The following STK32C variants were observed in gnomAD, a reference collection of about 807,000 sequenced individuals.
The protein encoded by STK32C is serine/threonine kinase 32C.
STK32C carries 31 observed loss-of-function variants against 56.5 expected under a neutral mutation model. The observed-to-expected ratio is 0.55, with a 90% CI of 0.41 to 0.74. The LOEUF is 0.74. STK32C is among the 30% of genes least tolerant of loss of function. The pLI, the probability that STK32C is intolerant of heterozygous loss-of-function variation, is 0.00. For synonymous variants in STK32C, 309 were observed against 289.4 expected, an observed-to-expected ratio of 1.07 and a Z score of -0.69; for missense variants, 544 against 676.9, an observed-to-expected ratio of 0.80 and a Z score of 2.18.
intron 1 of STK32C, among the ~76,000 whole-genome samples, chr10:132,273,589 GGTTACTGAATGAGTGAAGGA>G (rs56831391): frequency 3.3e-5 from 5 of 152,008 alleles, no homozygotes; most frequent in African/African-American, 7.3e-5. Context: ...ATGAATACAT[GGTTACTGAATGAGTGAAGGA>G]GTTACTGAAT....
chr10:132,302,950 G>T (rs1427969009), intron 1 of STK32C, among the ~76,000 whole-genome samples: 1 of 152,182 alleles, frequency 6.6e-6, no homozygotes, highest in Non-Finnish European at 1.5e-5. Flanking sequence ...CCAACAAAAT[G>T]AACTTCAAAG....
chr10:132,231,789 G>A (rs945750861), intron 2 of STK32C, among the ~76,000 whole-genome samples: 1 of 152,224 alleles, frequency 6.6e-6, no homozygotes, highest in Non-Finnish European at 1.5e-5. Flanking sequence ...GCAGTGATGT[G>A]AAGATGCCAG....
At chr10:132,269,570 T>C (rs551421598) in intron 1 of STK32C, among the ~76,000 whole-genome samples, 11 of 152,330 alleles carry the variant, frequency 7.2e-5, no homozygotes, top group African/African-American at 2.2e-4. Context: ...TGCTGATGGA[T>C]TGATTTTCCC....
Position 132,304,982 on chromosome 10 carries a change from G to A in STK32C, c.262+2590C>T, listed in dbSNP as rs189926939. ...CCCCCAGGTTGCAGAGCTGCTTAGC[G>A]GGAAGGTACCGGAGCCTCCTCTCAG... On this transcript the variant is annotated intron_variant, in intron 1 of 11. Transcript: ENST00000298630. Among the ~76,000 whole-genome samples the A allele has an allele frequency of 1.7e-3, 261 of 152,334 alleles. 1 individual carries two copies. Among genetic ancestry groups the A allele is most frequent in the Non-Finnish European group, 1.1e-3 (77 of 68,038 alleles).
At chr10:132,324,272 C>T (rs773249111) in exon 2 of STK32C, 1 of 779,820 alleles carries the variant, frequency 1.3e-6, no homozygotes, top group South Asian at 1.3e-5. Context: ...AACACACCCC[C>T]AGCTTTTTCA....
At chr10:132,266,812 G>A (rs1017772622) in intron 1 of STK32C, among the ~76,000 whole-genome samples, 2 of 151,958 alleles carry the variant, frequency 1.3e-5, no homozygotes, top group African/African-American at 4.8e-5. Context: ...CCGGTGGGGC[G>A]GGGGGACTCC....
intron 1 of STK32C, among the ~76,000 whole-genome samples, chr10:132,301,235 A>G (rs970299692): frequency 1.3e-5 from 2 of 150,862 alleles, no homozygotes; most frequent in Non-Finnish European, 2.9e-5. Context: ...GTGAACCCAG[A>G]TTCAGCTCCG....
At chr10:132,303,320 G>A (rs186386332) in intron 1 of STK32C, among the ~76,000 whole-genome samples, 94 of 152,354 alleles carry the variant, frequency 6.2e-4, no homozygotes, top group African/African-American at 2.2e-3. Context: ...CCACAGAAGC[G>A]CTAGAAGAAA....
At chr10:132,330,253 T>G (rs933890911) in intron 1 of STK32C, 4 of 566,350 alleles carry the variant, frequency 7.1e-6, no homozygotes, top group African/African-American at 1.9e-5. Flanking sequence ...AACAAAAACC[T>G]GAGGCAACAA....
upstream of STK32C, chr10:132,331,936 A>AC (rs66639442): frequency 3.3e-3 from 1,211 of 366,248 alleles, 16 homozygotes; most frequent in African/African-American, 0.036. Context: ...CGCAAGCGCA[A>AC]CCCCCCGCCC....
chr10:132,254,452 C>T (rs1051472334), intron 1 of STK32C, among the ~76,000 whole-genome samples: 4 of 151,604 alleles, frequency 2.6e-5, no homozygotes, highest in Non-Finnish European at 5.9e-5. Flanking sequence ...GGAATCAGCA[C>T]TATGTCACCC....
Position 132,279,915 on chromosome 10 carries a change from G to A in STK32C, c.262+27657C>T, listed in dbSNP as rs565037279. 1.5e-3 allele frequency among the ~76,000 whole-genome samples: 192 copies of A among 128,944 alleles called. 1 individual carries two copies. Among genetic ancestry groups the A allele is most frequent in the African/African-American group, 5.2e-3 (172 of 32,930 alleles). 84.6% of individuals were successfully genotyped at this position (128,944 alleles called of 152,430 possible). On this transcript the variant is annotated intron_variant, in intron 1 of 11. Coordinates refer to ENST00000298630, the MANE Select transcript of STK32C (RefSeq NM_173575.4). ...CTCCATGACCATGCCCCTACACTCC[G>A]TGATCACGCTGAGGCCTCCACACCG... is the stretch of plus-strand genomic sequence containing the variant.
intron 1 of STK32C, among the ~76,000 whole-genome samples, chr10:132,267,013 A>G (rs895262616): frequency 2.0e-5 from 3 of 152,078 alleles, no homozygotes; most frequent in Admixed American, 2.0e-4. Context: ...GCCGTCACTG[A>G]GCGGGCAGCC....
At chr10:132,253,291 G>C (rs1028112207) in intron 1 of STK32C, among the ~76,000 whole-genome samples, 2 of 152,252 alleles carry the variant, frequency 1.3e-5, no homozygotes, top group Admixed American at 6.5e-5. Context: ...GCCGGGCCTG[G>C]GAACTGGAAC....
chr10:132,235,132 G>C (rs2063232441), intron 2 of STK32C, among the ~76,000 whole-genome samples: 1 of 148,080 alleles, frequency 6.8e-6, no homozygotes, highest in South Asian at 2.1e-4. Flanking sequence ...AACCGTGTGA[G>C]TGGTGTGAGT....
chr10:132,254,508 G>GAATC, intron 1 of STK32C, among the ~76,000 whole-genome samples: 6 of 127,776 alleles, frequency 4.7e-5, no homozygotes, highest in Non-Finnish European at 1.0e-4. Context: ...CCAGACCTGG[G>GAATC]AGCCCAGGAG....
intron 1 of STK32C, among the ~76,000 whole-genome samples, chr10:132,273,823 G>GATGAGTGA (rs201845611): frequency 6.6e-6 from 1 of 150,840 alleles, no homozygotes; most frequent in Non-Finnish European, 1.5e-5. Flanking sequence ...GCAAATGAGA[G>GATGAGTGA]ATGAGTGAAT....
intron 2 of STK32C, among the ~76,000 whole-genome samples, chr10:132,237,636 C>A (rs923291898): frequency 1.1e-4 from 17 of 152,242 alleles, no homozygotes; most frequent in African/African-American, 2.4e-4. Flanking sequence ...CACAGAGGAA[C>A]CTGAGTGTGC....
chr10:132,301,729 G>T (rs1044504712), intron 1 of STK32C, among the ~76,000 whole-genome samples: 39 of 152,246 alleles, frequency 2.6e-4, no homozygotes, highest in Non-Finnish European at 7.3e-5. Flanking sequence ...GCCACGTGTG[G>T]AGAAGGCTGG....
Sources: allele counts gnomAD v4.1 joint callset (sites outside exome capture counted in the v4.1 genomes callset), GRCh38; gene constraint gnomAD v4.1.1; transcripts MANE v1.5; gene names NCBI Gene and HGNC (gene_info 2026-07-23, HGNC 2026-07-21).